HDAC9: variants seen among roughly 807,000 people sequenced by gnomAD.
The protein encoded by HDAC9 is histone deacetylase 9, also known as MEF-2 interacting transcription repressor (MITR) protein.
Under a neutral mutation model 139.4 loss-of-function variants are expected in HDAC9, and 41 were observed. The observed-to-expected ratio is 0.29, with a 90% CI of 0.23 to 0.38. HDAC9 has a LOEUF of 0.38. HDAC9 is among the 10% of genes least tolerant of loss of function. HDAC9 has a pLI of 1.00. For synonymous variants in HDAC9, 517 were observed against 476.2 expected (o/e 1.09, Z -1.12); for missense variants, 1,147 against 1,297.0 (o/e 0.88, Z 1.78).
chr7:18,402,643 G>T (rs1464287628), intron 1 of HDAC9, among the ~76,000 whole-genome samples: 1 of 152,180 alleles, frequency 6.6e-6, no homozygotes, highest in Non-Finnish European at 1.5e-5. Flanking sequence ...GGCATGATAA[G>T]ATTTCTGGGT....
rs141476586 is a variant in HDAC9, at chr7:18,677,801, T to C, written c.1731+11325T>C. 4.6e-5 allele frequency among the ~76,000 whole-genome samples: 7 copies of C among 152,074 alleles called. No homozygotes were observed. The East Asian group carries it at 1.4e-3, about 29-fold the overall frequency. On this transcript the variant is annotated intron_variant, in intron 12 of 25. Transcript: ENST00000686413. ...CAAATAATTTCACCTACTTTGTCAT[T>C]GGCCTTCCATTTTGAAGAGCAGAAT...
intron 12 of HDAC9, among the ~76,000 whole-genome samples, chr7:18,718,330 C>T (rs974782798): frequency 6.6e-6 from 1 of 152,290 alleles, no homozygotes; most frequent in East Asian, 1.9e-4. Context: ...CTTCCAGGTT[C>T]AAGCAATTCT....
intron 1 of HDAC9, among the ~76,000 whole-genome samples, chr7:18,297,246 T>G (rs1457410908): frequency 6.6e-6 from 1 of 152,196 alleles, no homozygotes; most frequent in Non-Finnish European, 1.5e-5. Flanking sequence ...TTTAAAAACT[T>G]TTTTATTTAA....
chr7:18,789,062 T>A (rs1792069337), intron 16 of HDAC9, among the ~76,000 whole-genome samples: 1 of 152,168 alleles, frequency 6.6e-6, no homozygotes, highest in Non-Finnish European at 1.5e-5. Context: ...CTTTCGATGC[T>A]ATCACTAACA....
intron 23 of HDAC9, among the ~76,000 whole-genome samples, chr7:18,941,962 T>C (rs890571995): frequency 6.6e-6 from 1 of 152,036 alleles, no homozygotes; most frequent in Non-Finnish European, 1.5e-5. Context: ...TTCTATATAG[T>C]CTTTAGGTTT....
At chr7:18,516,691 T>A (rs1450174962) in intron 2 of HDAC9, among the ~76,000 whole-genome samples, 1 of 151,992 alleles carries the variant, frequency 6.6e-6, no homozygotes, top group Non-Finnish European at 1.5e-5. Context: ...CCAAACCCTG[T>A]CTCTACTAAA....
chr7:18,589,154 T>G (rs921097250), intron 3 of HDAC9, among the ~76,000 whole-genome samples: 1 of 152,062 alleles, frequency 6.6e-6, no homozygotes, highest in South Asian at 2.1e-4. Context: ...TACTCCTCAG[T>G]GTGCACATTT....
chr7:18,686,447 T>C (rs1266908182), intron 12 of HDAC9, among the ~76,000 whole-genome samples: 3 of 151,958 alleles, frequency 2.0e-5, no homozygotes, highest in Admixed American at 6.6e-5. Flanking sequence ...AATTCTTCTA[T>C]TCATCTCTAG....
chr7:18,959,113 C>T (rs1175084555), intron 24 of HDAC9, among the ~76,000 whole-genome samples: 2 of 152,154 alleles, frequency 1.3e-5, no homozygotes, highest in Non-Finnish European at 2.9e-5. Context: ...CACTTTTCTG[C>T]ATGGCATGGT....
intron 2 of HDAC9, among the ~76,000 whole-genome samples, chr7:18,514,402 T>C (rs1486026965): frequency 1.3e-5 from 2 of 152,214 alleles, no homozygotes. Flanking sequence ...TTCCAATCTC[T>C]TTGCCCAGTG....
Position 18,301,087 on chromosome 7 carries a change from C to T in HDAC9, c.-42+10572C>T, listed in dbSNP as rs908920011. On this transcript the variant is annotated intron_variant, in intron 1 of 3. Transcript: ENST00000413509. ...GGATGAAAACACTGTTTTTTTTTCC[C>T]GCAATGCAATTTTATAAATAAAAGG... 1.5e-4 allele frequency among the ~76,000 whole-genome samples: 22 copies of T among 151,266 alleles called. 1 individual carries two copies. The highest frequency in any genetic ancestry group is 3.3e-4 in the Admixed American group (5 of 15,210).
At chr7:18,564,484 T>C (rs1821636057) in intron 2 of HDAC9, among the ~76,000 whole-genome samples, 1 of 152,214 alleles carries the variant, frequency 6.6e-6, no homozygotes, top group African/African-American at 2.4e-5. Context: ...ATCTATTCTA[T>C]TTGCATACTG....
intron 22 of HDAC9, among the ~76,000 whole-genome samples, chr7:18,907,332 T>C (rs969211278): frequency 6.6e-6 from 1 of 152,232 alleles, no homozygotes; most frequent in Non-Finnish European, 1.5e-5. Flanking sequence ...AGAACAACTG[T>C]TAAACACATT....
intron 11 of HDAC9, among the ~76,000 whole-genome samples, chr7:18,654,112 T>A (rs573984460): frequency 6.6e-6 from 1 of 152,320 alleles, no homozygotes; most frequent in South Asian, 2.1e-4. Context: ...AACAATTCTT[T>A]ACATGTGTCT....
chr7:18,621,704 A>G (rs900227118), intron 6 of HDAC9, among the ~76,000 whole-genome samples: 1 of 152,234 alleles, frequency 6.6e-6, no homozygotes, highest in Admixed American at 6.5e-5. Context: ...GTGTCAAAAT[A>G]TATAAAATCT....
chr7:18,247,615 A>T (rs1228606947), intron 2 of HDAC9, among the ~76,000 whole-genome samples: 3 of 152,030 alleles, frequency 2.0e-5, no homozygotes, highest in African/African-American at 7.2e-5. Flanking sequence ...TGAGGGCAGT[A>T]CCCCCTTCTT....
intron 2 of HDAC9, among the ~76,000 whole-genome samples, chr7:18,555,527 A>T (rs1174589819): frequency 1.3e-5 from 2 of 152,178 alleles, no homozygotes; most frequent in Non-Finnish European, 1.5e-5. Context: ...AAAATAATAT[A>T]GCTACAATAC....
intron 1 of HDAC9, among the ~76,000 whole-genome samples, chr7:18,340,393 A>G (rs929773397): frequency 2.6e-5 from 4 of 151,402 alleles, no homozygotes; most frequent in Non-Finnish European, 5.9e-5. Context: ...GTTTAAATCT[A>G]CTATTTTGCT....
intron 1 of HDAC9, among the ~76,000 whole-genome samples, chr7:18,096,721 A>G (rs1477309187): frequency 1.3e-5 from 2 of 152,162 alleles, no homozygotes. Flanking sequence ...GTGTTTGCTG[A>G]TTGACCGATT....
Sources: gnomAD v4.1 joint callset for allele counts (sites outside exome capture counted in the v4.1 genomes callset) on GRCh38, gnomAD v4.1.1 for gene constraint, MANE v1.5 for transcripts, NCBI Gene and HGNC (gene_info 2026-07-23, HGNC 2026-07-21) for gene names.